XPNPEP3: variants seen among roughly 807,000 people sequenced by gnomAD.
The protein encoded by XPNPEP3 is xaa-Pro aminopeptidase 3.
XPNPEP3 carries 41 observed loss-of-function variants against 60.0 expected under a neutral mutation model. That is an observed-to-expected ratio of 0.68 (90% CI 0.53 to 0.89). The LOEUF (loss-of-function observed/expected upper bound fraction) is 0.89. Among genes scored for constraint, XPNPEP3 ranks in the 40% least tolerant of loss-of-function variants. The probability of loss-of-function intolerance (pLI) is 0.00; values close to 1 mark genes in which losing one functional copy is unlikely to be tolerated. For missense variants in XPNPEP3, 598 were observed against 638.9 expected (o/e 0.94, Z 0.69); for synonymous variants, 212 against 223.2 (o/e 0.95, Z 0.45).
intron 9 of XPNPEP3, 137 bp downstream of exon 9, chr22:40,924,619 G>A: frequency 7.7e-7 from 1 of 1,291,116 alleles, no homozygotes. Context: ...CGCCCCCCAG[G>A]TTCAGCAATT....
intron 1 of XPNPEP3, chr22:40,860,933 T>C (rs1268490195): frequency 6.7e-6 from 6 of 901,010 alleles, no homozygotes; most frequent in Non-Finnish European, 8.2e-6. Context: ...AAAAAACTAC[T>C]AACCAAATGT....
chr22:40,859,788 G>C (rs1863668338), intron 1 of XPNPEP3: 1 of 152,148 alleles, frequency 6.6e-6, no homozygotes, highest in Admixed American at 6.5e-5. Context: ...TTTTAGTGCT[G>C]CTAGATGTAA....
chr22:40,900,376 C>T (rs964521814), intron 4 of XPNPEP3, among the ~76,000 whole-genome samples: 8 of 150,908 alleles, frequency 5.3e-5, no homozygotes, highest in African/African-American at 1.5e-4. Context: ...AGGCTGAGGC[C>T]GGTGGATCAC....
chr22:40,890,730 G>A (rs945204414), intron 4 of XPNPEP3, among the ~76,000 whole-genome samples: 5 of 151,930 alleles, frequency 3.3e-5, no homozygotes, highest in Admixed American at 1.3e-4. Flanking sequence ...AGCTGGGCAT[G>A]GTGGTACGCA....
At chr22:40,871,216 T>G (rs1311033763) in intron 2 of XPNPEP3, among the ~76,000 whole-genome samples, 1 of 151,746 alleles carries the variant, frequency 6.6e-6, no homozygotes, top group East Asian at 1.9e-4. Flanking sequence ...TAAAAAAAAT[T>G]AGTGCTCCTG....
chr22:40,869,858 A>C (rs2057996843), intron 2 of XPNPEP3, among the ~76,000 whole-genome samples: 1 of 152,256 alleles, frequency 6.6e-6, no homozygotes, highest in East Asian at 1.9e-4. Flanking sequence ...TAGAAAAAGC[A>C]ATCAGGTTTT....
chr22:40,886,679 T>C (rs1442282342), intron 4 of XPNPEP3, among the ~76,000 whole-genome samples, 164 bp downstream of exon 4: 1 of 151,368 alleles, frequency 6.6e-6, no homozygotes, highest in African/African-American at 2.4e-5. Context: ...CATAAAAAAT[T>C]AGCCGGGCAT....
At chr22:40,875,262 A>AC (rs796960077) in intron 2 of XPNPEP3, among the ~76,000 whole-genome samples, 32 of 151,934 alleles carry the variant, frequency 2.1e-4, no homozygotes, top group African/African-American at 7.2e-4. Context: ...TGCAGTCTCG[A>AC]CCTCCCAAGC....
At chr22:40,884,439 C>T (rs2058060519) in intron 3 of XPNPEP3, among the ~76,000 whole-genome samples, 1 of 151,528 alleles carries the variant, frequency 6.6e-6, no homozygotes, top group Non-Finnish European at 1.5e-5. Flanking sequence ...AAGTAATTCT[C>T]CTGCCTCAGC....
chr22:40,868,971 C>G lies in XPNPEP3; in HGVS notation c.65-28C>G, dbSNP rs201498113. On this transcript the variant is annotated intron_variant, in intron 1 of 9. Transcript: ENST00000357137. ...TGAAGACTTTCTAGATCTATTGTTTCATTTCATTCTCTTTATTCTTCATTC... is the reference window on the plus strand; with the variant it reads ...TGAAGACTTTCTAGATCTATTGTTTGATTTCATTCTCTTTATTCTTCATTC... 3.3e-5 allele frequency: 51 copies of G among 1,561,102 alleles called. 1 individual carries two copies. The Middle Eastern group carries it at 1.2e-3, about 36-fold the overall frequency.
At chr22:40,873,648 A>C (rs2058016611) in intron 2 of XPNPEP3, among the ~76,000 whole-genome samples, 1 of 151,850 alleles carries the variant, frequency 6.6e-6, no homozygotes, top group African/African-American at 2.4e-5. Context: ...GTGTGTTGAC[A>C]GATGTCTGTA....
intron 7 of XPNPEP3, among the ~76,000 whole-genome samples, chr22:40,918,783 G>T (rs377377753): frequency 0.016 from 2,348 of 146,748 alleles, 32 homozygotes; most frequent in Non-Finnish European, 0.025. Context: ...GTTTTGGTGG[G>T]TTTTTTTTTT....
At chr22:40,868,331 C>G (rs1297182423) in intron 1 of XPNPEP3, among the ~76,000 whole-genome samples, 1 of 152,124 alleles carries the variant, frequency 6.6e-6, no homozygotes, top group East Asian at 1.9e-4. Context: ...CTGTGATACC[C>G]TTTCAAACTG....
intron 2 of XPNPEP3, 65 bp downstream of exon 2, chr22:40,869,180 A>G: frequency 7.3e-7 from 1 of 1,372,518 alleles, no homozygotes; most frequent in Non-Finnish European, 1.0e-6. Context: ...TATGCAATAG[A>G]ACTTCTTGCA....
chr22:40,875,863 A>T (rs933298070), intron 2 of XPNPEP3, among the ~76,000 whole-genome samples: 2 of 151,720 alleles, frequency 1.3e-5, no homozygotes, highest in South Asian at 4.2e-4. Context: ...AAAAAAAAAA[A>T]AAAAAAATTA....
At chr22:40,867,615 T>G (rs555256724) in intron 1 of XPNPEP3, among the ~76,000 whole-genome samples, 16 of 151,970 alleles carry the variant, frequency 1.1e-4, no homozygotes, top group African/African-American at 3.9e-4. Flanking sequence ...TAAAAAAAAT[T>G]AACCAGTCTT....
rs572717517 is a variant in XPNPEP3 at position 40,906,446 on chromosome 22, A to G, written c.793-1141A>G. Among the ~76,000 whole-genome samples, 334 of 151,812 alleles carry G rather than the reference A, an allele frequency of 2.2e-3. 1 individual carries two copies. Among genetic ancestry groups the G allele is most frequent in the Non-Finnish European group, 2.8e-3 (188 of 67,932 alleles). On this transcript the variant is annotated intron_variant, in intron 4 of 9. Transcript: ENST00000357137. ...AAAAAAAAAAAAAAAATGCACACAC[A>G]TATAGTGTGGTTATCACAGAGAATT...
chr22:40,885,477 G>A (rs1287643681), intron 3 of XPNPEP3, among the ~76,000 whole-genome samples: 2 of 152,174 alleles, frequency 1.3e-5, no homozygotes, highest in East Asian at 3.9e-4. Flanking sequence ...GAGAAGTGAG[G>A]AAATATCAAC....
intron 6 of XPNPEP3, among the ~76,000 whole-genome samples, chr22:40,912,489 G>C (rs2058180550): frequency 6.6e-6 from 1 of 152,078 alleles, no homozygotes; most frequent in Non-Finnish European, 1.5e-5. Context: ...TTTATTTATA[G>C]TTATGTACCC....
Sources: allele counts gnomAD v4.1 joint callset (sites outside exome capture counted in the v4.1 genomes callset), GRCh38; gene constraint gnomAD v4.1.1; transcripts MANE v1.5; gene names NCBI Gene and HGNC (gene_info 2026-07-23, HGNC 2026-07-21).